EBF3: variants seen among roughly 807,000 people sequenced by gnomAD.
The protein encoded by EBF3 is transcription factor COE3.
EBF3 carries 18 observed loss-of-function variants against 77.1 expected under a neutral mutation model. The ratio of observed to expected loss-of-function variants is 0.23; its 90% CI spans 0.16 to 0.35. The LOEUF is 0.35. Among genes scored for constraint, EBF3 ranks in the 10% least tolerant of loss-of-function variants. The pLI is 1.00. For synonymous variants in EBF3, 350 were observed against 343.5 expected (o/e 1.02, Z -0.21); for missense variants, 558 against 860.0 (o/e 0.65, Z 4.39).
chr10:129,944,478 T>C lies in EBF3; in HGVS notation c.554+12780A>G, dbSNP rs1037677868. Among the ~76,000 whole-genome samples the C allele has an allele frequency of 6.6e-6, 1 of 152,212 alleles. No homozygotes were observed. Among genetic ancestry groups the C allele is most frequent in the African/African-American group, 2.4e-5 (1 of 41,456 alleles). On this transcript the variant is annotated intron_variant, in intron 6 of 16. Coordinates refer to ENST00000440978, the MANE Select transcript of EBF3 (RefSeq NM_001375380.1). The surrounding 1 kb of genome is among the most constrained non-coding windows in gnomAD (Gnocchi z 5.1). ...TTTAATCATAAGGTAAATCAAGACC[T>C]GGAACATAAGTCAGATGAATTAATA...
intron 6 of EBF3, among the ~76,000 whole-genome samples, chr10:129,929,381 AT>A (rs1454821990): frequency 6.6e-6 from 1 of 151,608 alleles, no homozygotes; most frequent in Non-Finnish European, 1.5e-5. Context: ...AATTTTTGTA[AT>A]TTTTATAGAT....
chr10:129,917,748 A>G (rs1453909978), intron 6 of EBF3, among the ~76,000 whole-genome samples: 3 of 152,062 alleles, frequency 2.0e-5, no homozygotes, highest in South Asian at 2.1e-4. Flanking sequence ...CAGTAAAGCA[A>G]AAGTATCAGG....
Position 129,944,017 on chromosome 10 carries a change from C to A in EBF3, c.554+13241G>T, listed in dbSNP as rs1397112181. The stretch of plus-strand genomic sequence containing the variant: ...GTGATTTCTGAGTTGATTAACATTT[C>A]ATCTCTAGTGTTATGTTATTATCGC... On this transcript the variant is annotated intron_variant, in intron 6 of 16. Coordinates refer to ENST00000440978, the MANE Select transcript of EBF3 (RefSeq NM_001375380.1). The surrounding 1 kb of genome is among the most constrained non-coding windows in gnomAD (Gnocchi z 5.1). Among the ~76,000 whole-genome samples, 1 of 152,200 alleles carries A rather than the reference C, an allele frequency of 6.6e-6. No homozygotes were observed. The highest frequency in any genetic ancestry group is 2.4e-5 in the African/African-American group (1 of 41,446).
Position 129,837,698 on chromosome 10 carries a change from T to A in EBF3, c.*245A>T. 3.7e-6 allele frequency: 2 copies of A among 541,716 alleles called. No individual in the cohort carries two copies. The highest frequency in any genetic ancestry group is 6.5e-6 in the Non-Finnish European group (2 of 307,806). 33.6% of individuals were successfully genotyped at this position (541,716 alleles called of 1,614,324 possible). On this transcript the variant is annotated 3_prime_UTR_variant, in exon 17 of 17. Transcript: ENST00000440978. ...TCTTCAGGACTGAGAAATGTGAAAA[T>A]ATGAGAAAAGTTCAGTCAATAAAAT... is the stretch of plus-strand genomic sequence containing the variant.
At chr10:129,937,068 C>T (rs1258885088) in intron 6 of EBF3, among the ~76,000 whole-genome samples, 1 of 152,212 alleles carries the variant, frequency 6.6e-6, no homozygotes. Context: ...ATTCGGGCCC[C>T]AAGGGCTGCA....
chr10:129,896,523 G>A (rs1379122091), intron 6 of EBF3, among the ~76,000 whole-genome samples: 1 of 152,192 alleles, frequency 6.6e-6, no homozygotes, highest in Non-Finnish European at 1.5e-5. Flanking sequence ...GCCGGGTGTG[G>A]GGGTGCGACA....
intron 6 of EBF3, among the ~76,000 whole-genome samples, chr10:129,928,395 A>G (rs906939074): frequency 6.6e-6 from 1 of 152,182 alleles, no homozygotes; most frequent in Admixed American, 6.5e-5. Flanking sequence ...TCCAGTACAC[A>G]CATTTTTATA....
At chr10:129,934,582 T>A (rs546691736) in intron 6 of EBF3, among the ~76,000 whole-genome samples, 2 of 152,162 alleles carry the variant, frequency 1.3e-5, no homozygotes, top group Non-Finnish European at 2.9e-5. Flanking sequence ...CTCATTTGCA[T>A]ACTATTAAGT....
intron 6 of EBF3, among the ~76,000 whole-genome samples, chr10:129,923,322 T>C (rs2134370376): frequency 6.6e-6 from 1 of 152,310 alleles, no homozygotes; most frequent in African/African-American, 2.4e-5. Flanking sequence ...CAGTAAAACA[T>C]ACTGCAGCCT....
At chr10:129,889,497 C>T (rs555171637) in intron 6 of EBF3, among the ~76,000 whole-genome samples, 3 of 152,314 alleles carry the variant, frequency 2.0e-5, no homozygotes, top group Admixed American at 6.5e-5. Flanking sequence ...GCTTTCTTGT[C>T]GGACGGTTCC....
intron 6 of EBF3, among the ~76,000 whole-genome samples, chr10:129,887,676 G>T (rs1313878368): frequency 6.6e-6 from 1 of 152,174 alleles, no homozygotes; most frequent in Admixed American, 6.5e-5. Flanking sequence ...TTCAGGGTGA[G>T]AGATGGCAAT....
Position 129,861,467 on chromosome 10 carries a change from C to A in EBF3, c.1039+5674G>T. Among the ~76,000 whole-genome samples, 1 of 152,082 alleles carries A rather than the reference C, an allele frequency of 6.6e-6. No homozygotes were observed. Among genetic ancestry groups the A allele is most frequent in the East Asian group, 1.9e-4 (1 of 5,190 alleles). ...TGGGCAGGTCCAGAGTCAGCCTGAG[C>A]TGAACACACAGACCCAAGCTATTCT... On this transcript the variant is annotated intron_variant, in intron 10 of 16. Coordinates refer to ENST00000440978, the MANE Select transcript of EBF3 (RefSeq NM_001375380.1). The surrounding 1 kb of genome is among the most constrained non-coding windows in gnomAD (Gnocchi z 4.3).
At chr10:129,896,025 AAC>A (rs1854345485) in intron 6 of EBF3, among the ~76,000 whole-genome samples, 1 of 152,264 alleles carries the variant, frequency 6.6e-6, no homozygotes, top group Non-Finnish European at 1.5e-5. Flanking sequence ...CAAGCTAATT[AAC>A]AGTTATTATG....
At chr10:129,925,895 C>G (rs562125932) in intron 6 of EBF3, among the ~76,000 whole-genome samples, 4 of 152,136 alleles carry the variant, frequency 2.6e-5, no homozygotes, top group Non-Finnish European at 5.9e-5. Context: ...GAATCCAGGA[C>G]AGTTAGGAAA....
chr10:129,888,474 G>A (rs899183573), intron 6 of EBF3, among the ~76,000 whole-genome samples: 4 of 152,242 alleles, frequency 2.6e-5, no homozygotes, highest in Admixed American at 1.3e-4. Context: ...TCACAAGGCC[G>A]CGGAGGCCCA....
At chr10:129,838,462 G>T (rs1170108568) in intron 16 of EBF3, among the ~76,000 whole-genome samples, 1 of 152,184 alleles carries the variant, frequency 6.6e-6, no homozygotes, top group African/African-American at 2.4e-5. Context: ...GGCTCTGACC[G>T]TGCGGTCATC....
chr10:129,905,747 T>C (rs1363815677), intron 6 of EBF3, among the ~76,000 whole-genome samples: 3 of 152,162 alleles, frequency 2.0e-5, no homozygotes, highest in South Asian at 4.2e-4. Context: ...TTCCCAACCG[T>C]TGCAGGTCCT....
intron 6 of EBF3, among the ~76,000 whole-genome samples, chr10:129,922,643 C>A (rs546688809): frequency 3.5e-4 from 54 of 152,376 alleles, no homozygotes; most frequent in Non-Finnish European, 5.6e-4. Flanking sequence ...CTGTGGTCTG[C>A]GTACCTACAG....
intron 6 of EBF3, among the ~76,000 whole-genome samples, chr10:129,888,047 C>T (rs186378413): frequency 6.6e-6 from 1 of 152,316 alleles, no homozygotes; most frequent in East Asian, 1.9e-4. Flanking sequence ...AAGCTGGGAA[C>T]CTTCTCTTCG....
Sources: gnomAD v4.1 joint callset for allele counts (sites outside exome capture counted in the v4.1 genomes callset) on GRCh38, gnomAD v4.1.1 for gene constraint, Gnocchi (gnomAD v3.1) non-coding constraint, MANE v1.5 for transcripts, NCBI Gene and HGNC (gene_info 2026-07-23, HGNC 2026-07-21) for gene names.